AIMP2: variants seen among roughly 807,000 people sequenced by gnomAD.
The protein encoded by AIMP2 is aminoacyl tRNA synthetase complex interacting multifunctional protein 2, also known as aminoacyl tRNA synthase complex-interacting multifunctional protein 2.
In AIMP2, 20 loss-of-function variants were observed where a neutral mutation model predicts 23.4. The ratio of observed to expected loss-of-function variants is 0.85; its 90% confidence interval spans 0.60 to 1.24. The LOEUF (loss-of-function observed/expected upper bound fraction) is 1.24, where lower values mean the gene tolerates loss of function less well. AIMP2 is among the 50% of genes most tolerant of loss of function. AIMP2 has a pLI of 0.00. For synonymous variants in AIMP2, 210 were observed against 170.4 expected, an observed-to-expected ratio of 1.23 and a Z score of -1.81; for missense variants, 515 against 414.5, an observed-to-expected ratio of 1.24 and a Z score of -2.10.
Position 6,015,378 on chromosome 7 carries a change from G to C in AIMP2, c.342+26G>C, listed in dbSNP as rs771011761. 4.4e-6 allele frequency: 7 copies of C among 1,608,846 alleles called. No individual in the cohort carries two copies. In the Admixed American group the frequency reaches 6.7e-5, roughly 15 times the overall value. ...GTAGGTTCGTTTTGAAAGCTGAAAC[G>C]TTAGTAGGTACTGAGTGGTTAGTGC... On this transcript the variant is annotated intron_variant, in intron 2 of 3. Transcript: ENST00000223029.
intron 3 of AIMP2, among the ~76,000 whole-genome samples, chr7:6,021,702 A>G (rs1289989365): frequency 6.6e-6 from 1 of 152,106 alleles, no homozygotes; most frequent in Non-Finnish European, 1.5e-5. Context: ...GACCTAGGAG[A>G]AGCCGGGCTG....
intron 1 of AIMP2, among the ~76,000 whole-genome samples, chr7:6,014,301 A>G (rs1186169245): frequency 8.6e-6 from 1 of 116,256 alleles, no homozygotes; most frequent in Non-Finnish European, 1.6e-5. Flanking sequence ...TCTGTCGCCC[A>G]GGCTGGAGTT....
chr7:6,015,182 C>T lies in AIMP2; in HGVS notation c.172C>T (p.Arg58Cys), dbSNP rs577935179. Residue 58 changes from arginine to cysteine, a missense_variant, in exon 2 of 4, where the codon CGC (arginine) becomes TGC (cysteine). Physicochemically the swap from Arg to Cys is radical, Grantham distance 180. Coordinates refer to ENST00000223029, the MANE Select transcript of AIMP2 (RefSeq NM_006303.4). ...CCTGTCTCTGCAAGCTCTTGAGTCC[C>T]GCCAAGATGATATTTTAAAACGTCT... Reference protein sequence around the residue: ...SNLSLQALESRQDDILKRLYE... With the variant: ...SNLSLQALESCQDDILKRLYE... 70 of 1,613,988 alleles carry T rather than the reference C, an allele frequency of 4.3e-5. No individual in the cohort carries two copies. Among genetic ancestry groups the T allele is most frequent in the Non-Finnish European group, 5.6e-5 (66 of 1,180,010 alleles).
intron 3 of AIMP2, among the ~76,000 whole-genome samples, chr7:6,020,402 C>T (rs1787314031): frequency 6.6e-6 from 1 of 152,018 alleles, no homozygotes; most frequent in South Asian, 2.1e-4. Context: ...GCCTGGGCTA[C>T]AGAGCCAGAC....
chr7:6,011,345 G>A (rs554024543), intron 1 of AIMP2, among the ~76,000 whole-genome samples: 1 of 152,188 alleles, frequency 6.6e-6, no homozygotes, highest in Non-Finnish European at 1.5e-5. Flanking sequence ...GTGTAGCGTG[G>A]TATCCTAAGG....
chr7:6,018,044 T>C lies in AIMP2; in HGVS notation c.573T>C (p.Asn191=). The change falls in exon 3 of 4, where the codon AAT becomes AAC. Residue 191 remains asparagine (N), a splice_region_variant and synonymous_variant. Coordinates refer to ENST00000223029, the MANE Select transcript of AIMP2 (RefSeq NM_006303.4). ...YQLGFTLIWK[N]VPKTQMKFSI... ...TGGGATTCACTTTAATTTGGAAGAA[T>C]GGTAAGTAGACGGGACTGAGTTCAA... 6.2e-7 allele frequency: 1 copy of C among 1,611,928 alleles called. No homozygotes were observed. The highest frequency in any genetic ancestry group is 1.1e-5 in the South Asian group (1 of 90,656).
rs766098337 is a variant in AIMP2, at chr7:6,015,151, G to A, written c.141G>A (p.Glu47=). 5.0e-6 allele frequency: 8 copies of A among 1,614,026 alleles called. No homozygotes were observed. Among genetic ancestry groups the A allele is most frequent in the Non-Finnish European group, 6.8e-6 (8 of 1,180,006 alleles). Residue 47 remains glutamate, a synonymous_variant, in exon 2 of 4, where the codon GAG becomes GAA. Coordinates refer to ENST00000223029, the MANE Select transcript of AIMP2 (RefSeq NM_006303.4). ...PAPGAGHVQE[E]SNLSLQALES... ...TTGGCTGTTGGTTTGTTTAGGAAGAGTCTAACCTGTCTCTGCAAGCTCTTG... is the reference window on the plus strand; with the variant it reads ...TTGGCTGTTGGTTTGTTTAGGAAGAATCTAACCTGTCTCTGCAAGCTCTTG...
In AIMP2 at chr7:6,009,420, G is replaced by A. The variant is rs140169208; in HGVS notation, c.57G>A (p.Glu19=). The part of the protein sequence containing the change: ...YHGGGAPLRV[E]LPTCMYRLPN... The stretch of plus-strand genomic sequence containing the variant: ...GGGGCGGCGCGCCTCTCCGTGTGGA[G>A]CTTCCCACCTGCATGTACCGGCTCC... Residue 19 remains glutamate, a synonymous_variant, in exon 1 of 4, where the codon GAG becomes GAA. Coordinates refer to ENST00000223029, the MANE Select transcript of AIMP2 (RefSeq NM_006303.4). 3.9e-4 allele frequency: 624 copies of A among 1,611,516 alleles called. 5 individuals carry two copies. Among genetic ancestry groups the A allele is most frequent in the South Asian group, 2.2e-3 (201 of 90,996 alleles).
At chr7:6,014,911 G>A in intron 1 of AIMP2, 10 of 684,012 alleles carry the variant, frequency 1.5e-5, no homozygotes, top group Non-Finnish European at 2.1e-5. Flanking sequence ...GTAGAGACGG[G>A]GTTTCACCAT....
chr7:6,018,990 C>CACACACACACACACACACACACAA (rs767819752), intron 3 of AIMP2, among the ~76,000 whole-genome samples: 1 of 143,612 alleles, frequency 7.0e-6, no homozygotes, highest in Non-Finnish European at 1.5e-5. Flanking sequence ...CACACACACA[C>CACACACACACACACACACACACAA]AATACATGGC....
chr7:6,015,761 C>G (rs1394604929), intron 2 of AIMP2, among the ~76,000 whole-genome samples: 2 of 152,214 alleles, frequency 1.3e-5, no homozygotes, highest in Non-Finnish European at 2.9e-5. Flanking sequence ...TTTTCAAAGG[C>G]AGAGCCAAGA....
At chr7:6,012,156 G>T (rs1786728967) in intron 1 of AIMP2, among the ~76,000 whole-genome samples, 1 of 151,966 alleles carries the variant, frequency 6.6e-6, no homozygotes. Flanking sequence ...AGGAGGCTGA[G>T]GTGGGAGGAT....
chr7:6,020,052 G>A (rs1403649838), intron 3 of AIMP2, among the ~76,000 whole-genome samples: 2 of 150,456 alleles, frequency 1.3e-5, no homozygotes, highest in Non-Finnish European at 3.0e-5. Flanking sequence ...AATTCATGAA[G>A]GCGTCACTAT....
chr7:6,012,532 A>C (rs1436815155), intron 1 of AIMP2: 2 of 190,420 alleles, frequency 1.1e-5, no homozygotes, highest in Admixed American at 1.1e-4. Flanking sequence ...CACATACAGT[A>C]CTTCAGACAT....
chr7:6,016,578 C>T (rs1026568604), intron 2 of AIMP2, among the ~76,000 whole-genome samples: 4 of 152,050 alleles, frequency 2.6e-5, no homozygotes, highest in South Asian at 4.1e-4. Context: ...TTCGAGCATG[C>T]GCGGCTGAAA....
At chr7:6,016,023 G>A (rs892048846) in intron 2 of AIMP2, among the ~76,000 whole-genome samples, 6 of 152,156 alleles carry the variant, frequency 3.9e-5, no homozygotes, top group Non-Finnish European at 5.9e-5. Context: ...TTCCCCAGAG[G>A]TTCAGCAGAG....
chr7:6,009,974 A>AAATATATATATATAT, intron 1 of AIMP2, among the ~76,000 whole-genome samples: 6 of 26,672 alleles, frequency 2.2e-4, no homozygotes, highest in Admixed American at 4.1e-4. Flanking sequence ...AAAAAAAAAA[A>AAATATATATATATAT]ATATATATAT....
At chr7:6,017,278 G>A (rs1485087392) in intron 2 of AIMP2, among the ~76,000 whole-genome samples, 1 of 152,006 alleles carries the variant, frequency 6.6e-6, no homozygotes, top group Non-Finnish European at 1.5e-5. Context: ...CATTTTGGGA[G>A]GCCAAGACGG....
At chr7:6,019,299 G>A (rs989892554) in intron 3 of AIMP2, among the ~76,000 whole-genome samples, 1 of 150,882 alleles carries the variant, frequency 6.6e-6, no homozygotes, top group Non-Finnish European at 1.5e-5. Context: ...CTAACACGGT[G>A]AAACCCCATC....
Sources: allele counts gnomAD v4.1 joint callset (sites outside exome capture counted in the v4.1 genomes callset), GRCh38; gene constraint gnomAD v4.1.1; transcripts MANE v1.5; gene names NCBI Gene and HGNC (gene_info 2026-07-23, HGNC 2026-07-21).